CALCOCO2: variants seen among roughly 807,000 people sequenced by gnomAD.
CALCOCO2 encodes calcium binding and coiled-coil domain 2.
CALCOCO2 carries 42 observed loss-of-function variants against 62.5 expected under a neutral mutation model. The ratio of observed to expected loss-of-function variants is 0.67; its 90% CI spans 0.53 to 0.87. The LOEUF is 0.87. Among genes scored for constraint, CALCOCO2 ranks in the 40% least tolerant of loss-of-function variants. The pLI, the probability that CALCOCO2 is intolerant of heterozygous loss-of-function variation, is 0.00. For synonymous variants in CALCOCO2, 167 were observed against 173.0 expected (o/e 0.97, Z 0.27); for missense variants, 456 against 515.0 (o/e 0.89, Z 1.11).
At chr17:48,846,029 T>C in intron 2 of CALCOCO2, 1 of 1,420,514 alleles carries the variant, frequency 7.0e-7, no homozygotes, top group East Asian at 2.6e-5. Flanking sequence ...CCAGTGTTCT[T>C]TCAGTGTAGT....
At chr17:48,832,451 T>C (rs535022463) in intron 1 of CALCOCO2, among the ~76,000 whole-genome samples, 2 of 152,334 alleles carry the variant, frequency 1.3e-5, no homozygotes, top group South Asian at 4.1e-4. Flanking sequence ...ATGTCATGTA[T>C]CCTTAATTAT....
intron 11 of CALCOCO2, among the ~76,000 whole-genome samples, chr17:48,861,175 G>A (rs998909432): frequency 3.9e-5 from 6 of 151,928 alleles, no homozygotes; most frequent in African/African-American, 9.7e-5. Context: ...CGAGACAAGC[G>A]TGGCTAACGT....
intron 2 of CALCOCO2, 47 bp from the exon 3 acceptor site, chr17:48,848,017 C>T: frequency 9.5e-7 from 1 of 1,056,748 alleles, no homozygotes. Context: ...TTAGGATTTT[C>T]CCCAGTCCCC....
At position 48,840,729 on chromosome 17, in the gene CALCOCO2, G is replaced by A. The variant is rs569910809; in HGVS notation, c.-10-969G>A. Among the ~76,000 whole-genome samples the A allele has an allele frequency of 3.3e-5, 5 of 151,998 alleles. No homozygotes were observed. The South Asian group carries it at 8.3e-4, about 25-fold the overall frequency. ...TTGCATCTCTCCCTGTTTTGAACCC[G>A]AGAGCATTTTGCACTTCTTATTCGA... On this transcript the variant is annotated intron_variant, in intron 1 of 12. Transcript: ENST00000258947.
intron 1 of CALCOCO2, chr17:48,841,484 A>G (rs1329947975): frequency 2.3e-6 from 1 of 436,188 alleles, no homozygotes; most frequent in Non-Finnish European, 4.1e-6. Context: ...TGAAGAAGTT[A>G]AAGATATTGT....
In CALCOCO2 at chr17:48,852,951, A is replaced by C. The variant is rs779275146; in HGVS notation, c.851A>C (p.Gln284Pro). 1.9e-6 allele frequency: 3 copies of C among 1,613,770 alleles called. No individual in the cohort carries two copies. Among genetic ancestry groups the C allele is most frequent in the Non-Finnish European group, 2.5e-6 (3 of 1,179,636 alleles). Residue 284 changes from glutamine to proline, a missense_variant, in exon 9 of 13, where the codon CAG (glutamine) becomes CCG (proline). Physicochemically the swap from Gln to Pro is moderately conservative, Grantham distance 76. This residue lies in a region of CALCOCO2 where 172 missense variants were observed against 210.3 expected (regional missense o/e 0.82). Coordinates refer to ENST00000258947, the MANE Select transcript of CALCOCO2 (RefSeq NM_005831.5). ...AGGAAGGACCAGAAGAAGCTCGAGC[A>C]GACAGTGGAGCAAATGAAGCAGAAT... is the stretch of plus-strand genomic sequence containing the variant. ...EQRKDQKKLEQTVEQMKQNET... is the reference protein window; with the variant it reads ...EQRKDQKKLEPTVEQMKQNET...
chr17:48,841,706 C>T lies in CALCOCO2; in HGVS notation c.-2C>T, dbSNP rs1031018864. On this transcript the variant is annotated 5_prime_UTR_variant, in exon 2 of 13. Coordinates refer to ENST00000258947, the MANE Select transcript of CALCOCO2 (RefSeq NM_005831.5). Reference sequence around the variant, plus strand: ...TCCACATTTCATAACAGGACCCCTACCATGGAGGAGACCATCAAAGATCCC... The same window carrying T: ...TCCACATTTCATAACAGGACCCCTATCATGGAGGAGACCATCAAAGATCCC... The T allele has an allele frequency of 1.4e-5, 23 of 1,608,416 alleles. No homozygotes were observed. The highest frequency in any genetic ancestry group is 3.4e-5 in the Admixed American group (2 of 59,460).
At chr17:48,841,934 C>T in intron 2 of CALCOCO2, 47 bp downstream of exon 2, 1 of 1,318,930 alleles carries the variant, frequency 7.6e-7, no homozygotes, top group Non-Finnish European at 1.1e-6. Context: ...AGAGGTGATT[C>T]TTAGTTACCT....
At chr17:48,854,382 T>TATATATATATATATATATATATATATATA (rs2040177276) in intron 9 of CALCOCO2, among the ~76,000 whole-genome samples, 1 of 5,998 alleles carries the variant, frequency 1.7e-4, no homozygotes. Flanking sequence ...TTTCTTTTAT[T>TATATATATATATATATATATATATATATA]TATATATATA....
chr17:48,833,064 A>T (rs2143556320), intron 1 of CALCOCO2, among the ~76,000 whole-genome samples: 1 of 152,280 alleles, frequency 6.6e-6, no homozygotes, highest in Non-Finnish European at 1.5e-5. Context: ...GGCTAGAGCA[A>T]ATGGCTCGAT....
At chr17:48,851,654 A>G (rs764468724) in intron 7 of CALCOCO2, 26 bp downstream of exon 7, 1 of 1,399,710 alleles carries the variant, frequency 7.1e-7, no homozygotes, top group South Asian at 1.2e-5. Context: ...TGTTTGTCAA[A>G]GGATATTTTC....
Position 48,860,243 on chromosome 17 carries a change from T to A in CALCOCO2, c.1009-71T>A, listed in dbSNP as rs1315430089. Reference sequence around the variant, plus strand: ...AATTGAGAACTACCTGGGAGGGGCATCTCCTAGCCAGTTCCTGGTGGCCAT... The same window carrying A: ...AATTGAGAACTACCTGGGAGGGGCAACTCCTAGCCAGTTCCTGGTGGCCAT... On this transcript the variant is annotated intron_variant, in intron 10 of 12. Transcript: ENST00000258947. 1.8e-5 allele frequency: 23 copies of A among 1,257,442 alleles called. No homozygotes were observed. In the Admixed American group the frequency reaches 4.4e-4, roughly 24 times the overall value. 77.9% of individuals were successfully genotyped at this position (1,257,442 alleles called of 1,614,324 possible).
At chr17:48,840,514 A>G (rs1017652596) in intron 1 of CALCOCO2, among the ~76,000 whole-genome samples, 1 of 152,208 alleles carries the variant, frequency 6.6e-6, no homozygotes, top group African/African-American at 2.4e-5. Flanking sequence ...ATTTATAGCT[A>G]GGGATCCAAA....
At chr17:48,832,120 CGGTG>C (rs2039822467) in intron 1 of CALCOCO2, among the ~76,000 whole-genome samples, 1 of 152,226 alleles carries the variant, frequency 6.6e-6, no homozygotes, top group Admixed American at 6.5e-5. Flanking sequence ...TGACTAGGCG[CGGTG>C]GCTCACGCCT....
chr17:48,849,152 C>G, intron 4 of CALCOCO2, 100 bp from the exon 5 acceptor site: 1 of 1,100,118 alleles, frequency 9.1e-7, no homozygotes, highest in Non-Finnish European at 1.4e-6. Context: ...ATAGGTGTCA[C>G]TGCAGTGAAT....
At chr17:48,834,577 G>A (rs925512950) in intron 1 of CALCOCO2, among the ~76,000 whole-genome samples, 4 of 152,164 alleles carry the variant, frequency 2.6e-5, no homozygotes, top group East Asian at 1.9e-4. Flanking sequence ...GACCTAGCTC[G>A]TCCCACTAAT....
intron 5 of CALCOCO2, 160 bp from the exon 6 acceptor site, chr17:48,850,929 A>T: frequency 1.9e-6 from 1 of 518,986 alleles, no homozygotes; most frequent in Non-Finnish European, 3.5e-6. Context: ...AAAAAAAAAA[A>T]AAAAGAACAT....
rs535540895 is a variant in CALCOCO2, at chr17:48,852,775, A to G, written c.825+147A>G. 35 of 975,928 alleles carry G rather than the reference A, an allele frequency of 3.6e-5. No individual in the cohort carries two copies. The East Asian group carries it at 8.8e-4, about 25-fold the overall frequency. The allele number at this position is 975,928 out of a possible 1,614,324, so 60.5% of individuals were successfully genotyped here. A position where few individuals can be genotyped will look rare whatever the true frequency, so the allele number is the denominator to read the frequency against. ...CTCAGAGGAAGCTATCTGAAATGAG[A>G]TAGCTCATGGCTTTCTTCAGAAACT... On this transcript the variant is annotated intron_variant, in intron 8 of 12. Coordinates refer to ENST00000258947, the MANE Select transcript of CALCOCO2 (RefSeq NM_005831.5).
chr17:48,835,744 T>G (rs1567748450), intron 1 of CALCOCO2, among the ~76,000 whole-genome samples: 2 of 151,204 alleles, frequency 1.3e-5, no homozygotes, highest in Non-Finnish European at 2.9e-5. Context: ...TCTTTTCTTT[T>G]CTTTTCTTTT....
Sources: allele counts gnomAD v4.1 joint callset (sites outside exome capture counted in the v4.1 genomes callset), GRCh38; gene constraint gnomAD v4.1.1; regional missense constraint gnomAD v4.1.1; transcripts MANE v1.5; gene names NCBI Gene and HGNC (gene_info 2026-07-23, HGNC 2026-07-21).